Variants in ZNF431 observed in about 807,000 individuals in gnomAD.
ZNF431 encodes the protein zinc finger protein 431.
Under a neutral mutation model 57.0 loss-of-function variants are expected in ZNF431, and 34 were observed. The ratio of observed to expected loss-of-function variants is 0.60; its 90% CI spans 0.45 to 0.79. The LOEUF is 0.79. ZNF431 is among the 30% of genes least tolerant of loss of function. ZNF431 has a pLI of 0.00. For missense variants in ZNF431, 607 were observed against 667.1 expected (o/e 0.91, Z 0.99); for synonymous variants, 207 against 220.3 (o/e 0.94, Z 0.54).
At chr19:21,167,411 G>A (rs548624092) in intron 3 of ZNF431, among the ~76,000 whole-genome samples, 160 bp from the exon 4 acceptor site, 3 of 152,096 alleles carry the variant, frequency 2.0e-5, no homozygotes, top group East Asian at 3.9e-4. Flanking sequence ...TGTCCGTCTC[G>A]GCCTCCCAAA....
chr19:21,191,333 A>G lies in ZNF431; in HGVS notation c.*7299A>G, dbSNP rs370500404. 1 of 152,012 alleles carries G rather than the reference A, an allele frequency of 6.6e-6. No homozygotes were observed. The highest frequency in any genetic ancestry group is 1.5e-5 in the Non-Finnish European group (1 of 68,016). 9.4% of individuals were successfully genotyped at this position (152,012 alleles called of 1,614,324 possible). On this transcript the variant is annotated 3_prime_UTR_variant, in exon 5 of 5. Coordinates refer to ENST00000311048, the MANE Select transcript of ZNF431 (RefSeq NM_133473.4). ...CCGGGCGTGGTTGCACGTGTCTATA[A>G]TCTCAGCTACTCAGGAGGCTGAGGC...
chr19:21,152,288 C>A (rs187848343), intron 2 of ZNF431, among the ~76,000 whole-genome samples: 1 of 152,150 alleles, frequency 6.6e-6, no homozygotes, highest in Admixed American at 6.6e-5. Flanking sequence ...AGGCAAAGAG[C>A]TGAGGGGTCC....
At position 21,152,751 on chromosome 19, in the gene ZNF431, T is replaced by A. The variant is rs550137347; in HGVS notation, c.96+9108T>A. ...CCCAATCCCATCCTTTACTCAGGCATATGCACACCACTCACCCAAAGTCAG... is the reference window on the plus strand; with the variant it reads ...CCCAATCCCATCCTTTACTCAGGCAAATGCACACCACTCACCCAAAGTCAG... On this transcript the variant is annotated intron_variant, in intron 2 of 4. Coordinates refer to ENST00000311048, the MANE Select transcript of ZNF431 (RefSeq NM_133473.4). Among the ~76,000 whole-genome samples, 166 of 152,218 alleles carry A rather than the reference T, an allele frequency of 1.1e-3. 1 individual carries two copies. The highest frequency in any genetic ancestry group is 3.7e-3 in the African/African-American group (155 of 41,522).
chr19:21,189,764 T>C lies in ZNF431; in HGVS notation c.*5730T>C, dbSNP rs1971466619. The C allele has an allele frequency of 2.5e-6, 1 of 395,506 alleles. No individual in the cohort carries two copies. The highest frequency in any genetic ancestry group is 4.5e-6 in the Non-Finnish European group (1 of 224,560). The allele number at this position is 395,506 out of a possible 1,614,324, so 24.5% of individuals were successfully genotyped here. ...TGGAATCCATGTGTAAGTGAAATTATGAGACACTAATCTTTCTGTGCCTTG... is the reference window on the plus strand; with the variant it reads ...TGGAATCCATGTGTAAGTGAAATTACGAGACACTAATCTTTCTGTGCCTTG... On this transcript the variant is annotated 3_prime_UTR_variant, in exon 5 of 5. Transcript: ENST00000311048.
chr19:21,150,983 C>T (rs1471488645), intron 2 of ZNF431: 1 of 152,136 alleles, frequency 6.6e-6, no homozygotes, highest in Non-Finnish European at 1.5e-5. Context: ...CTGTTTTTCC[C>T]AAGGTGTCCC....
At chr19:21,154,777 T>C (rs1470118082) in intron 2 of ZNF431, among the ~76,000 whole-genome samples, 1 of 152,256 alleles carries the variant, frequency 6.6e-6, no homozygotes, top group Non-Finnish European at 1.5e-5. Context: ...CCAGTGATGA[T>C]GAGCATTTTT....
Position 21,167,615 on chromosome 19 carries a change from G to C in ZNF431, c.268G>C (p.Glu90Gln). Residue 90 changes from glutamate to glutamine, a missense_variant, in exon 4 of 5, where the codon GAA becomes CAA. Transcript: ENST00000311048. ...AGACCCAGTCACCTGTCTGGAGCAA[G>C]AAAAAGAGCCCTGGAATATGAAGAG... The part of the protein sequence containing the change: ...KQDPVTCLEQ[E>Q]KEPWNMKRHE... 1 of 1,587,002 alleles carries C rather than the reference G, an allele frequency of 6.3e-7. No individual in the cohort carries two copies. The highest frequency in any genetic ancestry group is 8.6e-7 in the Non-Finnish European group (1 of 1,166,282).
intron 2 of ZNF431, among the ~76,000 whole-genome samples, chr19:21,162,187 T>C: frequency 6.7e-6 from 1 of 148,926 alleles, no homozygotes; most frequent in Non-Finnish European, 1.5e-5. Context: ...TGTGTGTGTT[T>C]TCTTGAAATG....
chr19:21,162,442 G>A (rs921723264), intron 2 of ZNF431, among the ~76,000 whole-genome samples: 2 of 151,976 alleles, frequency 1.3e-5, no homozygotes, highest in Non-Finnish European at 2.9e-5. Context: ...GAAGTGCTGC[G>A]ATTACAGGCA....
intron 2 of ZNF431, among the ~76,000 whole-genome samples, chr19:21,157,914 C>T (rs755076593): frequency 1.3e-5 from 2 of 151,502 alleles, no homozygotes; most frequent in Non-Finnish European, 2.9e-5. Context: ...GTACCAATAC[C>T]GTTCTGCTTT....
intron 4 of ZNF431, among the ~76,000 whole-genome samples, chr19:21,169,262 C>G (rs988710147): frequency 2.0e-5 from 3 of 152,058 alleles, no homozygotes; most frequent in South Asian, 2.1e-4. Context: ...TATATAAGAT[C>G]ATATGATCCA....
chr19:21,168,167 A>G (rs907565681), intron 4 of ZNF431, among the ~76,000 whole-genome samples: 3 of 152,056 alleles, frequency 2.0e-5, no homozygotes, highest in Non-Finnish European at 4.4e-5. Flanking sequence ...TGAAATTATA[A>G]ATTATGATGT....
chr19:21,188,993 CAA>C lies in ZNF431; in HGVS notation c.*4960_*4961del, dbSNP rs970792102. 11 of 152,056 alleles carry C rather than the reference CAA, an allele frequency of 7.2e-5. No individual in the cohort carries two copies. Among genetic ancestry groups the C allele is most frequent in the African/African-American group, 2.7e-4 (11 of 41,382 alleles). The allele number at this position is 152,056 out of a possible 1,614,324, so 9.4% of individuals were successfully genotyped here. A position where few individuals can be genotyped will look rare whatever the true frequency, so the allele number is the denominator to read the frequency against. On this transcript the variant is annotated 3_prime_UTR_variant, in exon 5 of 5. Transcript: ENST00000311048. Reference sequence around the variant, plus strand: ...TGGTTATGATTAAAAAATTAAATGACAATAATAGCCCCAAAACTATATATTTT... The same window carrying C: ...TGGTTATGATTAAAAAATTAAATGACTAATAGCCCCAAAACTATATATTTT...
chr19:21,162,433 A>T (rs1970599648), intron 2 of ZNF431, among the ~76,000 whole-genome samples: 1 of 151,590 alleles, frequency 6.6e-6, no homozygotes, highest in Non-Finnish European at 1.5e-5. Context: ...CACCCTCCTG[A>T]AGTGCTGCGA....
intron 2 of ZNF431, among the ~76,000 whole-genome samples, chr19:21,147,750 T>C (rs1219966396): frequency 6.6e-6 from 1 of 152,202 alleles, no homozygotes; most frequent in Non-Finnish European, 1.5e-5. Context: ...GGTTGCATGT[T>C]GACTCAGACT....
chr19:21,179,497 T>C (rs1486816695), intron 4 of ZNF431, among the ~76,000 whole-genome samples: 1 of 152,166 alleles, frequency 6.6e-6, no homozygotes, highest in Non-Finnish European at 1.5e-5. Flanking sequence ...ATGTGAGTAC[T>C]TAGTGCTATA....
intron 4 of ZNF431, among the ~76,000 whole-genome samples, chr19:21,176,983 C>T (rs933978836): frequency 3.1e-4 from 46 of 146,188 alleles, no homozygotes; most frequent in African/African-American, 1.1e-3. Flanking sequence ...CAGGCGTGAG[C>T]CACCACACCT....
chr19:21,142,313 C>T, intron 1 of ZNF431, 127 bp downstream of exon 1: 1 of 1,329,094 alleles, frequency 7.5e-7, no homozygotes, highest in South Asian at 1.2e-5. Flanking sequence ...GTTCTCCTTG[C>T]CCAGCTCGGC....
rs1971595935 is a variant in ZNF431 at position 21,195,835 on chromosome 19, C to G, written c.*11801C>G. On this transcript the variant is annotated 3_prime_UTR_variant, in exon 5 of 5. Coordinates refer to ENST00000311048, the MANE Select transcript of ZNF431 (RefSeq NM_133473.4). ...GATGTGTGATACATCTTTGGATAAT[C>G]TGTAATTAAATTGATCTTTTGTAAT... is the stretch of plus-strand genomic sequence containing the variant. 1 of 152,094 alleles carries G rather than the reference C, an allele frequency of 6.6e-6. No individual in the cohort carries two copies. The highest frequency in any genetic ancestry group is 2.4e-5 in the African/African-American group (1 of 41,416). 9.4% of individuals were successfully genotyped at this position (152,094 alleles called of 1,614,324 possible). A position where few individuals can be genotyped will look rare whatever the true frequency, so the allele number is the denominator to read the frequency against.
Sources: gnomAD v4.1 joint callset for allele counts (sites outside exome capture counted in the v4.1 genomes callset) on GRCh38, gnomAD v4.1.1 for gene constraint, MANE v1.5 for transcripts, NCBI Gene and HGNC (gene_info 2026-07-23, HGNC 2026-07-21) for gene names.